CRPPA: variants seen among roughly 807,000 people sequenced by gnomAD.
The protein encoded by CRPPA is CDP-L-ribitol pyrophosphorylase A.
In CRPPA, 43 loss-of-function variants were observed where a neutral mutation model predicts 52.0. The observed-to-expected ratio is 0.83, with a 90% CI of 0.65 to 1.07. CRPPA has a LOEUF of 1.07. Among genes scored for constraint, CRPPA ranks in the 50% least tolerant of loss-of-function variants. The pLI is 0.00. For synonymous variants in CRPPA, 250 were observed against 203.5 expected (o/e 1.23, Z -1.94); for missense variants, 629 against 551.7 (o/e 1.14, Z -1.40).
intron 9 of CRPPA, among the ~76,000 whole-genome samples, chr7:16,169,761 C>T (rs918429312): frequency 1.3e-5 from 2 of 152,128 alleles, no homozygotes; most frequent in Non-Finnish European, 2.9e-5. Flanking sequence ...AGTCATACAC[C>T]ACTTCTGGAC....
chr7:16,116,738 A>AGAATAAAG lies in CRPPA; in HGVS notation c.1252-24947_1252-24940dup, dbSNP rs1201327162. On this transcript the variant is annotated intron_variant, in intron 9 of 9. Transcript: ENST00000407010. ...AGAGAAACAAACAAACAAACATTCC[A>AGAATAAAG]GAATAAAGGAGACCAAGAAGACATG... Among the ~76,000 whole-genome samples, 24 of 152,252 alleles carry AGAATAAAG rather than the reference A, an allele frequency of 1.6e-4. No individual in the cohort carries two copies. In the East Asian group the frequency reaches 4.6e-3, roughly 29 times the overall value.
At chr7:16,349,508 T>A (rs1009540502) in intron 3 of CRPPA, among the ~76,000 whole-genome samples, 2 of 152,104 alleles carry the variant, frequency 1.3e-5, no homozygotes, top group East Asian at 3.9e-4. Context: ...TTTAGAACAA[T>A]GGTCATAAAC....
intron 2 of CRPPA, among the ~76,000 whole-genome samples, chr7:16,383,128 T>G (rs1787157484): frequency 6.6e-6 from 1 of 152,168 alleles, no homozygotes; most frequent in Non-Finnish European, 1.5e-5. Flanking sequence ...TGGTTTTATC[T>G]ACTTTTGGTC....
At chr7:16,239,238 T>A (rs1031878029) in intron 8 of CRPPA, among the ~76,000 whole-genome samples, 1 of 151,640 alleles carries the variant, frequency 6.6e-6, no homozygotes, top group African/African-American at 2.4e-5. Flanking sequence ...TTAAGTAACT[T>A]GGACAGGTTA....
intron 9 of CRPPA, among the ~76,000 whole-genome samples, chr7:16,158,374 G>A (rs1005346322): frequency 6.6e-6 from 1 of 151,982 alleles, no homozygotes; most frequent in African/African-American, 2.4e-5. Context: ...AACACAATAT[G>A]TAGCAGCAAA....
intron 6 of CRPPA, among the ~76,000 whole-genome samples, chr7:16,261,162 A>T (rs905069244): frequency 2.0e-5 from 3 of 152,128 alleles, no homozygotes; most frequent in African/African-American, 7.2e-5. Flanking sequence ...TATGCATGTC[A>T]TTTTAAATTA....
At chr7:16,338,072 A>T (rs1785731715) in intron 3 of CRPPA, among the ~76,000 whole-genome samples, 1 of 152,222 alleles carries the variant, frequency 6.6e-6, no homozygotes, top group Non-Finnish European at 1.5e-5. Flanking sequence ...AATATCCCTA[A>T]TGAACATAGA....
chr7:16,327,663 A>G (rs367692385), intron 3 of CRPPA, among the ~76,000 whole-genome samples: 30 of 151,652 alleles, frequency 2.0e-4, no homozygotes, highest in African/African-American at 7.2e-4. Flanking sequence ...AAGGAGATAC[A>G]CATGCTCTTC....
intron 2 of CRPPA, among the ~76,000 whole-genome samples, chr7:16,400,543 G>A (rs556099512): frequency 6.6e-6 from 1 of 152,016 alleles, no homozygotes; most frequent in Admixed American, 6.5e-5. Flanking sequence ...CTACTGACAC[G>A]TCGACACGAT....
At chr7:16,314,639 C>T (rs530127131) in intron 3 of CRPPA, among the ~76,000 whole-genome samples, 2 of 152,104 alleles carry the variant, frequency 1.3e-5, no homozygotes, top group South Asian at 4.2e-4. Context: ...CTGCTAAAGT[C>T]CATTCCTTCT....
intron 3 of CRPPA, among the ~76,000 whole-genome samples, chr7:16,325,564 T>C (rs922099483): frequency 1.3e-5 from 2 of 152,126 alleles, no homozygotes; most frequent in African/African-American, 4.8e-5. Flanking sequence ...GAAAGAGTGA[T>C]GACTATATAA....
intron 1 of CRPPA, among the ~76,000 whole-genome samples, chr7:16,419,938 C>T (rs943692964): frequency 6.6e-6 from 1 of 152,198 alleles, no homozygotes; most frequent in Non-Finnish European, 1.5e-5. Flanking sequence ...GCACAGCCGA[C>T]TCTGCGTGAA....
chr7:16,383,112 T>C (rs1022830876), intron 2 of CRPPA, among the ~76,000 whole-genome samples: 6 of 152,178 alleles, frequency 3.9e-5, no homozygotes, highest in African/African-American at 1.4e-4. Context: ...TTTTTCCCCA[T>C]CTTTGTGGTT....
intron 9 of CRPPA, among the ~76,000 whole-genome samples, chr7:16,147,287 G>C (rs780901974): frequency 3.3e-5 from 5 of 152,142 alleles, no homozygotes; most frequent in Non-Finnish European, 5.9e-5. Context: ...ACCTTTCAAA[G>C]ATGCAAAATC....
chr7:16,095,363 C>T (rs148997657), intron 9 of CRPPA, among the ~76,000 whole-genome samples: 38 of 152,066 alleles, frequency 2.5e-4, no homozygotes, highest in African/African-American at 9.2e-4. Flanking sequence ...TGAAGTTGTA[C>T]AGCTCTCCAT....
At chr7:16,281,605 T>C (rs1252765995) in intron 5 of CRPPA, among the ~76,000 whole-genome samples, 1 of 152,244 alleles carries the variant, frequency 6.6e-6, no homozygotes, top group Non-Finnish European at 1.5e-5. Flanking sequence ...TAAGTAATTA[T>C]ACTATTCGCA....
At chr7:16,102,037 T>C (rs897118195) in intron 9 of CRPPA, among the ~76,000 whole-genome samples, 2 of 152,078 alleles carry the variant, frequency 1.3e-5, no homozygotes, top group Non-Finnish European at 2.9e-5. Flanking sequence ...GGAGGCATCA[T>C]GGTACCTGAC....
chr7:16,144,165 T>C (rs1224058406), intron 9 of CRPPA, among the ~76,000 whole-genome samples: 3 of 152,272 alleles, frequency 2.0e-5, no homozygotes, highest in East Asian at 3.9e-4. Context: ...AGAAACAATG[T>C]TGTTCCTGTA....
At chr7:16,209,538 T>C (rs1782075279) in intron 9 of CRPPA, among the ~76,000 whole-genome samples, 1 of 152,116 alleles carries the variant, frequency 6.6e-6, no homozygotes, top group South Asian at 2.1e-4. Context: ...TCCCAAAGTG[T>C]TGGGATTGCA....
Sources: gnomAD v4.1 joint callset for allele counts (sites outside exome capture counted in the v4.1 genomes callset) on GRCh38, gnomAD v4.1.1 for gene constraint, MANE v1.5 for transcripts, NCBI Gene and HGNC (gene_info 2026-07-23, HGNC 2026-07-21) for gene names.